Variants in SHISA6 observed in about 807,000 individuals in gnomAD.
SHISA6 encodes the protein shisa family member 6.
SHISA6 carries 22 observed loss-of-function variants against 47.9 expected under a neutral mutation model. The observed-to-expected ratio is 0.46, with a 90% confidence interval of 0.33 to 0.66. The LOEUF (loss-of-function observed/expected upper bound fraction) is 0.66, where lower values mean the gene tolerates loss of function less well. SHISA6 is among the 30% of genes least tolerant of loss of function. The pLI is 0.02. For missense variants in SHISA6, 680 were observed against 764.6 expected, an observed-to-expected ratio of 0.89 and a Z score of 1.30; for synonymous variants, 388 against 337.8, an observed-to-expected ratio of 1.15 and a Z score of -1.63.
chr17:11,375,995 A>G (rs1912785068), intron 2 of SHISA6, among the ~76,000 whole-genome samples: 1 of 152,146 alleles, frequency 6.6e-6, no homozygotes, highest in South Asian at 2.1e-4. Context: ...GTCCTGTGAC[A>G]TGGAAGTGCT....
At position 11,431,976 on chromosome 17, in the gene SHISA6, T is replaced by G. The variant is rs529028205; in HGVS notation, c.895+52467T>G. 2.0e-4 allele frequency among the ~76,000 whole-genome samples: 30 copies of G among 152,326 alleles called. 1 individual carries two copies. The highest frequency in any genetic ancestry group is 6.7e-4 in the African/African-American group (28 of 41,566). On this transcript the variant is annotated intron_variant, in intron 3 of 5. Coordinates refer to ENST00000441885, the MANE Select transcript of SHISA6 (RefSeq NM_207386.4). Reference sequence around the variant, plus strand: ...ATAGATGTAACAAACTGAGGCCAAATGCCTTGCCATTAGCAGAGTGCTCTT... The same window carrying G: ...ATAGATGTAACAAACTGAGGCCAAAGGCCTTGCCATTAGCAGAGTGCTCTT...
intron 1 of SHISA6, among the ~76,000 whole-genome samples, chr17:11,246,762 C>T (rs973860969): frequency 1.3e-5 from 2 of 152,230 alleles, no homozygotes; most frequent in African/African-American, 4.8e-5. Context: ...GCCCTGCTCA[C>T]CTTCCCTGGG....
Position 11,479,272 on chromosome 17 carries a change from A to G in SHISA6, c.896-72624A>G, listed in dbSNP as rs140748879. 3.9e-3 allele frequency among the ~76,000 whole-genome samples: 587 copies of G among 152,296 alleles called. 4 individuals are homozygous for G. Among genetic ancestry groups the G allele is most frequent in the African/African-American group, 0.013 (551 of 41,536 alleles). On this transcript the variant is annotated intron_variant, in intron 3 of 5. Coordinates refer to ENST00000441885, the MANE Select transcript of SHISA6 (RefSeq NM_207386.4). ...AATAATTTGAGTACCTTATAATACT[A>G]TGAAGCCATAAAAAAGAATGAGTTC...
intron 3 of SHISA6, among the ~76,000 whole-genome samples, chr17:11,404,402 C>G (rs750124052): frequency 1.3e-4 from 20 of 152,098 alleles, no homozygotes; most frequent in Middle Eastern, 3.2e-3. Flanking sequence ...GCCTGTATAT[C>G]CCAAGACTGT....
chr17:11,530,043 G>A (rs2142370357), intron 3 of SHISA6, among the ~76,000 whole-genome samples: 1 of 152,158 alleles, frequency 6.6e-6, no homozygotes, highest in East Asian at 1.9e-4. Flanking sequence ...TGCTGCTCAG[G>A]GTGAGGGGAA....
chr17:11,331,869 C>T (rs1911129349), intron 2 of SHISA6, among the ~76,000 whole-genome samples: 1 of 152,128 alleles, frequency 6.6e-6, no homozygotes, highest in Admixed American at 6.6e-5. Context: ...CCCTCTGACC[C>T]TCCCAGCTCT....
intron 3 of SHISA6, among the ~76,000 whole-genome samples, chr17:11,462,079 A>G (rs938227576): frequency 1.3e-5 from 2 of 152,208 alleles, no homozygotes; most frequent in African/African-American, 4.8e-5. Context: ...TAAGAGGGGA[A>G]AAGATCAGCT....
rs1433938501 is a variant in SHISA6, at chr17:11,559,871, G to A, written c.*1567G>A. 1 of 152,264 alleles carries A rather than the reference G, an allele frequency of 6.6e-6. No individual in the cohort carries two copies. Among genetic ancestry groups the A allele is most frequent in the African/African-American group, 2.4e-5 (1 of 41,458 alleles). The allele number at this position is 152,264 out of a possible 1,614,324, so 9.4% of individuals were successfully genotyped here. A position where few individuals can be genotyped will look rare whatever the true frequency, so the allele number is the denominator to read the frequency against. On this transcript the variant is annotated 3_prime_UTR_variant, in exon 6 of 6. Coordinates refer to ENST00000441885, the MANE Select transcript of SHISA6 (RefSeq NM_207386.4). The surrounding 1 kb of genome is among the most constrained non-coding windows in gnomAD (Gnocchi z 4.4). Reference sequence around the variant, plus strand: ...CAGCATCCGCTCCCCCAAGACCAGAGAGCCTGGTGGGGGAAAGAAGGGGTT... The same window carrying A: ...CAGCATCCGCTCCCCCAAGACCAGAAAGCCTGGTGGGGGAAAGAAGGGGTT...
At chr17:11,516,821 G>A (rs1302148812) in intron 3 of SHISA6, among the ~76,000 whole-genome samples, 3 of 152,192 alleles carry the variant, frequency 2.0e-5, no homozygotes, top group African/African-American at 7.2e-5. Context: ...TTCTGAAAGA[G>A]TCTTGGTATA....
rs182185880 is a variant in SHISA6, at chr17:11,242,763, G to A, written c.638+703G>A. On this transcript the variant is annotated intron_variant, in intron 1 of 5. Coordinates refer to ENST00000441885, the MANE Select transcript of SHISA6 (RefSeq NM_207386.4). ...TGGTGGGGCATCTTTCACTGCTTAC[G>A]TTCGAAAGACAGTGGGAGCTGCCTC... Among the ~76,000 whole-genome samples, 11 of 152,270 alleles carry A rather than the reference G, an allele frequency of 7.2e-5. No individual in the cohort carries two copies. The East Asian group carries it at 1.9e-3, about 27-fold the overall frequency.
chr17:11,381,373 A>T (rs960968597), intron 3 of SHISA6, among the ~76,000 whole-genome samples: 1 of 152,246 alleles, frequency 6.6e-6, no homozygotes, highest in Non-Finnish European at 1.5e-5. Flanking sequence ...TTTAGAAGTT[A>T]TGGAGTTTAT....
intron 2 of SHISA6, chr17:11,289,310 G>A (rs1909435623): frequency 6.6e-6 from 1 of 151,784 alleles, no homozygotes; most frequent in South Asian, 2.1e-4. Context: ...ATAATGCTAG[G>A]TTTTATTTTC....
At chr17:11,359,913 C>T (rs1208643570) in intron 2 of SHISA6, among the ~76,000 whole-genome samples, 4 of 152,164 alleles carry the variant, frequency 2.6e-5, no homozygotes. Flanking sequence ...TGTGATGATT[C>T]CTCAAGGATC....
chr17:11,278,138 G>A (rs1473341435), intron 2 of SHISA6, among the ~76,000 whole-genome samples: 1 of 152,194 alleles, frequency 6.6e-6, no homozygotes, highest in Non-Finnish European at 1.5e-5. Context: ...GCTTTCCACT[G>A]TAAATATGAG....
chr17:11,486,395 C>T (rs538008915), intron 3 of SHISA6, among the ~76,000 whole-genome samples: 1 of 152,208 alleles, frequency 6.6e-6, no homozygotes, highest in East Asian at 1.9e-4. Context: ...GGTCTCTTTG[C>T]TCTGAATGAC....
At chr17:11,500,597 A>G (rs1427471171) in intron 3 of SHISA6, among the ~76,000 whole-genome samples, 1 of 152,232 alleles carries the variant, frequency 6.6e-6, no homozygotes, top group African/African-American at 2.4e-5. Context: ...TGGTTTGTTC[A>G]AAAGGCCAAG....
chr17:11,510,377 C>T (rs763879532), intron 3 of SHISA6, among the ~76,000 whole-genome samples: 2 of 152,148 alleles, frequency 1.3e-5, no homozygotes, highest in Non-Finnish European at 2.9e-5. Flanking sequence ...GAACATTAGC[C>T]TGTATCGTTG....
intron 3 of SHISA6, among the ~76,000 whole-genome samples, chr17:11,427,769 C>A (rs1597508062): frequency 1.3e-5 from 2 of 152,144 alleles, no homozygotes; most frequent in South Asian, 4.2e-4. Context: ...GGACAGAAAA[C>A]CCAAATCCAC....
chr17:11,279,301 T>G (rs1909040278), intron 2 of SHISA6, among the ~76,000 whole-genome samples: 1 of 152,124 alleles, frequency 6.6e-6, no homozygotes, highest in Non-Finnish European at 1.5e-5. Context: ...CTTGCTTTTC[T>G]CTACTTAAGA....
Sources: allele counts gnomAD v4.1 joint callset (sites outside exome capture counted in the v4.1 genomes callset), GRCh38; gene constraint gnomAD v4.1.1; non-coding constraint Gnocchi (gnomAD v3.1); transcripts MANE v1.5; gene names NCBI Gene and HGNC (gene_info 2026-07-23, HGNC 2026-07-21).